The following YWHAZ variants were observed in gnomAD, a reference collection of about 807,000 sequenced individuals.
YWHAZ encodes 14-3-3 protein zeta/delta.
For missense variants in YWHAZ, 79 were observed against 284.8 expected (o/e 0.28, Z 5.20); for synonymous variants, 87 against 103.6 (o/e 0.84, Z 0.97).
chr8:100,920,856 A>T, intron 5 of YWHAZ, 104 bp from the exon 6 acceptor site: 1 of 930,630 alleles, frequency 1.1e-6, no homozygotes, highest in South Asian at 1.4e-5. Flanking sequence ...GTTGGAAAGC[A>T]TTCTTAAAAA....
At chr8:100,950,660 G>GT (rs1563693832) in intron 1 of YWHAZ, 9 of 903,654 alleles carry the variant, frequency 1.0e-5, no homozygotes, top group African/African-American at 3.6e-5. Flanking sequence ...CAAGCCGTGG[G>GT]GGGGGGGGAG....
intron 2 of YWHAZ, among the ~76,000 whole-genome samples, chr8:100,943,997 AGAAAAAAG>A (rs1810078490): frequency 6.9e-6 from 1 of 145,884 alleles, no homozygotes; most frequent in African/African-American, 2.6e-5. Flanking sequence ...AAAAAAAAAA[AGAAAAAAG>A]AAAAAAAGAA....
chr8:100,926,667 G>A (rs893168590), intron 2 of YWHAZ, among the ~76,000 whole-genome samples: 3 of 152,120 alleles, frequency 2.0e-5, no homozygotes, highest in East Asian at 1.9e-4. Flanking sequence ...TCAGAAGAAC[G>A]TTTTGGTTAG....
intron 1 of YWHAZ, chr8:100,950,263 T>C (rs773464799): frequency 7.3e-5 from 48 of 657,822 alleles, no homozygotes; most frequent in Non-Finnish European, 8.9e-5. Flanking sequence ...TAACAAAAAA[T>C]GATTTAAGCC....
Position 100,940,471 on chromosome 8 carries a change from C to T in YWHAZ, c.294+8125G>A, listed in dbSNP as rs752803853. Among the ~76,000 whole-genome samples the T allele has an allele frequency of 8.5e-5, 13 of 152,306 alleles. No individual in the cohort carries two copies. The South Asian group carries it at 1.2e-3, about 15-fold the overall frequency. On this transcript the variant is annotated intron_variant, in intron 2 of 5. Coordinates refer to ENST00000395958, the MANE Select transcript of YWHAZ (RefSeq NM_145690.3). ...CTCTTTGACTTGTATTATTTGTGCA[C>T]GTCTATTTCCCTCTCCAGACTGAAG...
intron 2 of YWHAZ, among the ~76,000 whole-genome samples, chr8:100,939,477 T>G (rs2130274331): frequency 6.6e-6 from 1 of 150,922 alleles, no homozygotes; most frequent in East Asian, 2.0e-4. Context: ...CTTACCAACA[T>G]GGAGAAACCC....
chr8:100,951,739 C>G (rs539901898), intron 1 of YWHAZ, 190 bp downstream of exon 1: 10,149 of 985,404 alleles, frequency 0.01, 59 homozygotes, highest in South Asian at 0.027. Flanking sequence ...CGGAGGCGGC[C>G]GCTAGCCGCC....
In YWHAZ at chr8:100,924,437, T is replaced by C; in HGVS notation, c.419-139A>G. 1 of 263,304 alleles carries C rather than the reference T, an allele frequency of 3.8e-6. No homozygotes were observed. The highest frequency in any genetic ancestry group is 1.0e-4 in the South Asian group (1 of 9,678). The allele number at this position is 263,304 out of a possible 1,614,324, so 16.3% of individuals were successfully genotyped here. A position where few individuals can be genotyped will look rare whatever the true frequency, so the allele number is the denominator to read the frequency against. On this transcript the variant is annotated intron_variant, in intron 3 of 5. Coordinates refer to ENST00000395958, the MANE Select transcript of YWHAZ (RefSeq NM_145690.3). The surrounding 1 kb of genome is among the most constrained non-coding windows in gnomAD (Gnocchi z 5.7). ...AATATTTGTTAATTGAACAAGGTCC[T>C]TTTTTTTTTTTAAAGGGAGCTTTCT... is the stretch of plus-strand genomic sequence containing the variant.
chr8:100,920,656 A>C lies in YWHAZ; in HGVS notation c.*37T>G. The C allele has an allele frequency of 6.4e-7, 1 of 1,558,986 alleles. No individual in the cohort carries two copies. Among genetic ancestry groups the C allele is most frequent in the Non-Finnish European group, 8.8e-7 (1 of 1,131,152 alleles). ...TGGATGACAAATGGTCTACTGTGTA[A>C]ATTTTAGAATGAGGCAGACAAAAGT... On this transcript the variant is annotated 3_prime_UTR_variant, in exon 6 of 6. Coordinates refer to ENST00000395958, the MANE Select transcript of YWHAZ (RefSeq NM_145690.3).
intron 2 of YWHAZ, among the ~76,000 whole-genome samples, chr8:100,938,237 T>A (rs540623813): frequency 6.6e-6 from 1 of 152,318 alleles, no homozygotes; most frequent in Admixed American, 6.5e-5. Context: ...GATAGCAGAT[T>A]AAATGTCATG....
chr8:100,942,204 A>G (rs1465278311), intron 2 of YWHAZ, among the ~76,000 whole-genome samples: 1 of 152,230 alleles, frequency 6.6e-6, no homozygotes, highest in African/African-American at 2.4e-5. Flanking sequence ...CAAGTCAGCT[A>G]TATTCATCCA....
intron 2 of YWHAZ, among the ~76,000 whole-genome samples, chr8:100,929,742 C>T (rs1033847527): frequency 4.0e-5 from 6 of 151,722 alleles, no homozygotes; most frequent in African/African-American, 1.5e-4. Flanking sequence ...GTCAAACTGA[C>T]CGAAGAATAA....
rs754199159 is a variant in YWHAZ, at chr8:100,920,766, G to A, written c.679-14C>T. On this transcript the variant is annotated splice_polypyrimidine_tract_variant and intron_variant, in intron 5 of 5. Coordinates refer to ENST00000395958, the MANE Select transcript of YWHAZ (RefSeq NM_145690.3). ...CGATGTCCACAACTGGTAAAAGAAG[G>A]AAAGATTTTTCAGCAAGTTTCAGTG... The A allele has an allele frequency of 5.9e-6, 5 of 843,124 alleles. No homozygotes were observed. Among genetic ancestry groups the A allele is most frequent in the Non-Finnish European group, 5.2e-6 (3 of 580,024 alleles). 52.2% of individuals were successfully genotyped at this position (843,124 alleles called of 1,614,324 possible).
intron 2 of YWHAZ, among the ~76,000 whole-genome samples, chr8:100,946,551 C>CT (rs1810289375): frequency 6.6e-6 from 1 of 151,752 alleles, no homozygotes; most frequent in East Asian, 1.9e-4. Context: ...AACTCAGTCT[C>CT]AAAACAAACA....
chr8:100,938,594 C>T (rs1156400914), intron 2 of YWHAZ, among the ~76,000 whole-genome samples: 1 of 152,182 alleles, frequency 6.6e-6, no homozygotes, highest in Admixed American at 6.6e-5. Context: ...TGGTCTTGTA[C>T]AATTCTCTTA....
chr8:100,943,606 T>C (rs1810034371), intron 2 of YWHAZ, among the ~76,000 whole-genome samples: 1 of 152,158 alleles, frequency 6.6e-6, no homozygotes, highest in Non-Finnish European at 1.5e-5. Context: ...CATTTCCACT[T>C]CATATACCTC....
rs898992228 is a variant in YWHAZ, at chr8:100,918,143, G to C, written c.*2550C>G. 4 of 151,600 alleles carry C rather than the reference G, an allele frequency of 2.6e-5. No individual in the cohort carries two copies. The highest frequency in any genetic ancestry group is 5.9e-5 in the Non-Finnish European group (4 of 67,942). 9.4% of individuals were successfully genotyped at this position (151,600 alleles called of 1,614,324 possible). On this transcript the variant is annotated 3_prime_UTR_variant, in exon 6 of 6. Transcript: ENST00000395958. ...GGATTGCCTGAGGTCGGGAATTCAA[G>C]ACCAGCCTGGACAACATGGTGAAAC...
At chr8:100,940,688 C>T (rs945029075) in intron 2 of YWHAZ, among the ~76,000 whole-genome samples, 3 of 152,196 alleles carry the variant, frequency 2.0e-5, no homozygotes, top group Non-Finnish European at 4.4e-5. Flanking sequence ...TTTAACACCA[C>T]CACAGGGGTG....
At chr8:100,930,603 A>G (rs1279242723) in intron 2 of YWHAZ, among the ~76,000 whole-genome samples, 1 of 152,192 alleles carries the variant, frequency 6.6e-6, no homozygotes, top group African/African-American at 2.4e-5. Flanking sequence ...AGAAATCCAC[A>G]GTATTTCCTC....
Sources: allele counts gnomAD v4.1 joint callset (sites outside exome capture counted in the v4.1 genomes callset), GRCh38; gene constraint gnomAD v4.1.1; non-coding constraint Gnocchi (gnomAD v3.1); transcripts MANE v1.5; gene names NCBI Gene and HGNC (gene_info 2026-07-23, HGNC 2026-07-21).